Variants in KIAA1217 observed in about 807,000 individuals in gnomAD.
KIAA1217 encodes sickle tail protein homolog.
KIAA1217 carries 88 observed loss-of-function variants against 163.9 expected under a neutral mutation model. The observed-to-expected ratio is 0.54, with a 90% CI of 0.45 to 0.64. The LOEUF is 0.64. Ranked by LOEUF, KIAA1217 falls within the 30% of genes least tolerant of loss-of-function variation. The pLI, the probability that KIAA1217 is intolerant of heterozygous loss-of-function variation, is 0.00. For missense variants in KIAA1217, 2,372 were observed against 2,475.0 expected (o/e 0.96, Z 0.88); for synonymous variants, 903 against 923.1 (o/e 0.98, Z 0.39).
chr10:23,891,617 T>A (rs1370026369), intron 1 of KIAA1217, among the ~76,000 whole-genome samples: 1 of 152,008 alleles, frequency 6.6e-6, no homozygotes, highest in East Asian at 1.9e-4. Flanking sequence ...CTTCGCCTCA[T>A]GAGTCTCTCT....
At chr10:24,380,318 A>T (rs1175282585) in intron 2 of KIAA1217, among the ~76,000 whole-genome samples, 18 of 152,106 alleles carry the variant, frequency 1.2e-4, no homozygotes, top group Non-Finnish European at 2.5e-4. Context: ...GCACCACATA[A>T]GTCAAACAAT....
chr10:24,329,482 T>TA (rs548670428), intron 2 of KIAA1217, among the ~76,000 whole-genome samples: 73 of 152,208 alleles, frequency 4.8e-4, no homozygotes, highest in African/African-American at 1.7e-3. Flanking sequence ...TGTCTTCAAA[T>TA]ATAAGTGCAT....
intron 1 of KIAA1217, among the ~76,000 whole-genome samples, chr10:23,804,066 C>T (rs541422996): frequency 6.6e-5 from 10 of 152,120 alleles, no homozygotes; most frequent in South Asian, 2.1e-4. Flanking sequence ...AAAATATAGG[C>T]GTATGGGCAA....
At chr10:23,790,171 ACATATG>A (rs1835709250) in intron 1 of KIAA1217, among the ~76,000 whole-genome samples, 1 of 64,350 alleles carries the variant, frequency 1.6e-5, no homozygotes, top group African/African-American at 8.2e-5. Flanking sequence ...ACACATATAC[ACATATG>A]CATATACACA....
intron 2 of KIAA1217, among the ~76,000 whole-genome samples, chr10:24,008,713 A>T (rs1847116514): frequency 6.6e-6 from 1 of 151,940 alleles, no homozygotes; most frequent in Admixed American, 6.6e-5. Flanking sequence ...TGTCTCTATA[A>T]ATACTGTTGT....
chr10:23,855,261 TCTTTA>T (rs1223393340), intron 1 of KIAA1217, among the ~76,000 whole-genome samples: 1 of 152,154 alleles, frequency 6.6e-6, no homozygotes, highest in African/African-American at 2.4e-5. Context: ...TTTTATTTCT[TCTTTA>T]CTTATGAAGC....
chr10:23,755,557 C>G (rs557579881), intron 1 of KIAA1217, among the ~76,000 whole-genome samples: 79 of 152,030 alleles, frequency 5.2e-4, no homozygotes, highest in Non-Finnish European at 1.0e-3. Flanking sequence ...CCCTGGTGGC[C>G]TCGAGTGAGG....
At chr10:23,995,450 CTGTGTG>C (rs58865993) in intron 1 of KIAA1217, among the ~76,000 whole-genome samples, 26,991 of 147,710 alleles carry the variant, frequency 0.18, 2,868 homozygotes, top group Middle Eastern at 0.29. Flanking sequence ...CAATTATGGC[CTGTGTG>C]TGTGTGTGTG....
At chr10:24,457,214 A>G (rs2061881575) in intron 5 of KIAA1217, among the ~76,000 whole-genome samples, 2 of 152,150 alleles carry the variant, frequency 1.3e-5, no homozygotes, top group Admixed American at 1.3e-4. Flanking sequence ...AAAGATAAAA[A>G]GAGTTGGGGA....
In KIAA1217 at chr10:23,983,969, G is replaced by A. The variant is rs538983094; in HGVS notation, c.-320-23256G>A. Among the ~76,000 whole-genome samples, 4 of 152,308 alleles carry A rather than the reference G, an allele frequency of 2.6e-5. No homozygotes were observed. In the South Asian group the frequency reaches 8.3e-4, roughly 32 times the overall value. ...CTAATACGTAATAGTAAAAGAGGCA[G>A]AGATTAAATTTTGCAAAAACCCAAA... On this transcript the variant is annotated intron_variant, in intron 1 of 18. Transcript: ENST00000376462.
intron 1 of KIAA1217, among the ~76,000 whole-genome samples, chr10:23,961,439 C>A (rs886404487): frequency 6.6e-6 from 1 of 152,108 alleles, no homozygotes; most frequent in Non-Finnish European, 1.5e-5. Context: ...GATTAGAGAG[C>A]CATGAATTTA....
chr10:24,042,990 T>C (rs2131561007), intron 2 of KIAA1217, among the ~76,000 whole-genome samples: 1 of 152,328 alleles, frequency 6.6e-6, no homozygotes, highest in East Asian at 1.9e-4. Context: ...TAAAAATTCC[T>C]GCTAGTGTTG....
At chr10:24,522,327 T>A (rs1483650136) in intron 12 of KIAA1217, among the ~76,000 whole-genome samples, 2 of 151,796 alleles carry the variant, frequency 1.3e-5, no homozygotes, top group African/African-American at 2.4e-5. Context: ...CCATTTCTTT[T>A]AAAAAAATCA....
chr10:24,510,219 C>T (rs888811485), intron 9 of KIAA1217, among the ~76,000 whole-genome samples: 1 of 152,150 alleles, frequency 6.6e-6, no homozygotes, highest in Non-Finnish European at 1.5e-5. Flanking sequence ...CCGAGCACAC[C>T]CTGAGCATGT....
intron 2 of KIAA1217, among the ~76,000 whole-genome samples, chr10:24,248,063 G>A (rs1354590628): frequency 6.6e-6 from 1 of 152,174 alleles, no homozygotes; most frequent in Non-Finnish European, 1.5e-5. Context: ...ACGCAGGAGT[G>A]CATTTGTGCT....
chr10:24,435,653 A>G (rs1292120450), intron 4 of KIAA1217, among the ~76,000 whole-genome samples: 2 of 152,204 alleles, frequency 1.3e-5, no homozygotes, highest in African/African-American at 4.8e-5. Flanking sequence ...GCTTCAAAGT[A>G]TGGCTACTTT....
intron 2 of KIAA1217, among the ~76,000 whole-genome samples, chr10:24,023,972 A>ACT (rs1847841863): frequency 6.6e-6 from 1 of 151,504 alleles, no homozygotes; most frequent in Admixed American, 6.6e-5. Flanking sequence ...CGCAGTATTG[A>ACT]CTCAGAAGGT....
chr10:24,228,674 A>G (rs980310322), intron 2 of KIAA1217, among the ~76,000 whole-genome samples: 2 of 152,082 alleles, frequency 1.3e-5, no homozygotes, highest in African/African-American at 2.4e-5. Flanking sequence ...ACTTCACTTC[A>G]TAGTAGCTTC....
chr10:23,996,578 C>T (rs1381792781), intron 1 of KIAA1217, among the ~76,000 whole-genome samples: 1 of 152,142 alleles, frequency 6.6e-6, no homozygotes, highest in Non-Finnish European at 1.5e-5. Context: ...TCCACTGTTT[C>T]ACTTGAAACT....
Sources: gnomAD v4.1 joint callset for allele counts (sites outside exome capture counted in the v4.1 genomes callset) on GRCh38, gnomAD v4.1.1 for gene constraint, MANE v1.5 for transcripts, NCBI Gene and HGNC (gene_info 2026-07-23, HGNC 2026-07-21) for gene names.